Variants in PTCHD1 observed in about 807,000 individuals in gnomAD.
PTCHD1 encodes patched domain containing 1, also known as patched domain-containing protein 1.
Under a neutral mutation model 34.6 loss-of-function variants are expected in PTCHD1, and 3 were observed. The ratio of observed to expected loss-of-function variants is 0.09; its 90% CI spans 0.04 to 0.22. PTCHD1 has a LOEUF of 0.22. Ranked by LOEUF, PTCHD1 falls within the 10% of genes least tolerant of loss-of-function variation. The pLI is 1.00. For synonymous variants in PTCHD1, 305 were observed against 283.1 expected, an observed-to-expected ratio of 1.08 and a Z score of -0.77; for missense variants, 504 against 685.5, an observed-to-expected ratio of 0.74 and a Z score of 2.96.
chrX:23,376,337 T>A (rs867329595), intron 1 of PTCHD1, among the ~76,000 whole-genome samples: 2 of 112,405 alleles, frequency 1.8e-5, no homozygotes, highest in African/African-American at 6.5e-5. Context: ...GAGCGTCTCT[T>A]ACCTAGTTCA....
intron 2 of PTCHD1, among the ~76,000 whole-genome samples, chrX:23,388,831 GAA>G (rs539710655): frequency 1.1e-5 from 1 of 94,851 alleles, no homozygotes; most frequent in Admixed American, 1.2e-4. Context: ...ACTCCGTCTC[GAA>G]AAAAAAAAAA....
At chrX:23,350,234 T>C (rs900565186) in intron 1 of PTCHD1, among the ~76,000 whole-genome samples, 3 of 111,161 alleles carry the variant, frequency 2.7e-5, no homozygotes, top group African/African-American at 9.8e-5. Context: ...GTTTGGCATT[T>C]CTCAAATCTA....
At chrX:23,336,547 C>T (rs1381952854) in intron 1 of PTCHD1, among the ~76,000 whole-genome samples, 1 of 111,626 alleles carries the variant, frequency 9.0e-6, no homozygotes, top group Non-Finnish European at 1.9e-5. Context: ...TTCCTATGTC[C>T]GTTTGTTGAC....
chrX:23,348,252 C>T (rs1447170912), intron 1 of PTCHD1, among the ~76,000 whole-genome samples: 2 of 92,577 alleles, frequency 2.2e-5, no homozygotes, highest in Non-Finnish European at 4.2e-5. Flanking sequence ...CAAACTGAAA[C>T]ACAAAGAGTT....
chrX:23,339,162 A>G (rs112766983), intron 1 of PTCHD1, among the ~76,000 whole-genome samples: 3 of 112,207 alleles, frequency 2.7e-5, no homozygotes, highest in African/African-American at 9.7e-5. Flanking sequence ...TTACTCAGAC[A>G]TTTATGTGAT....
chrX:23,334,752 G>A (rs1921101527), upstream of PTCHD1: 2 of 130,090 alleles, frequency 1.5e-5, no homozygotes, highest in South Asian at 6.3e-4. Flanking sequence ...TCAGGGTCTC[G>A]CCGCCGCCGC....
intron 1 of PTCHD1, among the ~76,000 whole-genome samples, chrX:23,364,691 G>C (rs1234346671): frequency 8.9e-6 from 1 of 112,058 alleles, no homozygotes; most frequent in African/African-American, 3.2e-5. Context: ...CACATCAGCT[G>C]TCTCTCCCAC....
In PTCHD1 at chrX:23,366,921, T is replaced by TACAC. The variant is rs61606231; in HGVS notation, c.352-12641_352-12638dup. On this transcript the variant is annotated intron_variant, in intron 1 of 2. Coordinates refer to ENST00000379361, the MANE Select transcript of PTCHD1 (RefSeq NM_173495.3). ...ACCACTGCTACACACATGCTCCTGG[T>TACAC]ACACACACACACACACACACACACA... is the stretch of plus-strand genomic sequence containing the variant. 4.9e-3 allele frequency among the ~76,000 whole-genome samples: 483 copies of TACAC among 99,369 alleles called. 2 individuals are homozygous for TACAC. The highest frequency in any genetic ancestry group is 0.012 in the African/African-American group (325 of 26,978). 86.3% of individuals were successfully genotyped at this position (99,369 alleles called of 115,157 possible).
chrX:23,383,452 T>A (rs1372257840), intron 2 of PTCHD1, among the ~76,000 whole-genome samples: 2 of 111,660 alleles, frequency 1.8e-5, no homozygotes, highest in Non-Finnish European at 3.8e-5. Flanking sequence ...AGATCACATG[T>A]GTCAAGCAGT....
At chrX:23,371,155 T>C (rs921217523) in intron 1 of PTCHD1, among the ~76,000 whole-genome samples, 1 of 112,306 alleles carries the variant, frequency 8.9e-6, no homozygotes, top group Non-Finnish European at 1.9e-5. Flanking sequence ...ACACCTTTTA[T>C]AGGTAATCAT....
At chrX:23,358,559 A>T (rs1285395392) in intron 1 of PTCHD1, among the ~76,000 whole-genome samples, 1 of 111,719 alleles carries the variant, frequency 9.0e-6, no homozygotes, top group Non-Finnish European at 1.9e-5. Context: ...CCTTTGTCAG[A>T]TGGGTAAATT....
Position 23,380,019 on chromosome X carries a change from T to C in PTCHD1, c.780T>C (p.Asp260=), listed in dbSNP as rs1922518737. The change falls in exon 2 of 3, where the codon GAT becomes GAC. Residue 260 remains aspartate (D), a synonymous_variant. Coordinates refer to ENST00000379361, the MANE Select transcript of PTCHD1 (RefSeq NM_173495.3). Reference sequence around the variant, plus strand: ...ACACGTCCTCCTCACTGAGGGAAGATTTCCAGAAGACCAGCCGCGTATCAG... The same window carrying C: ...ACACGTCCTCCTCACTGAGGGAAGACTTCCAGAAGACCAGCCGCGTATCAG... ...YPYTSSSLRE[D]FQKTSRVSER... 1 of 1,211,859 alleles carries C rather than the reference T, an allele frequency of 8.3e-7. No homozygotes were observed. The highest frequency in any genetic ancestry group is 1.1e-6 in the Non-Finnish European group (1 of 895,490).
intron 1 of PTCHD1, among the ~76,000 whole-genome samples, chrX:23,379,003 C>G (rs1471900366): frequency 1.8e-5 from 2 of 111,996 alleles, no homozygotes; most frequent in East Asian, 5.6e-4. Flanking sequence ...CAAGGTAAAC[C>G]TCTTGTCTTA....
Position 23,399,785 on chromosome X carries a change from T to A in PTCHD1, c.*5600T>A. On this transcript the variant is annotated 3_prime_UTR_variant, in exon 3 of 3. Coordinates refer to ENST00000379361, the MANE Select transcript of PTCHD1 (RefSeq NM_173495.3). Reference sequence around the variant, plus strand: ...ACCAGGAAAGGAGCCCTCTGTACTGTGCTCTTGTTGGCAAGAGGAACACCA... The same window carrying A: ...ACCAGGAAAGGAGCCCTCTGTACTGAGCTCTTGTTGGCAAGAGGAACACCA... The A allele has an allele frequency of 8.9e-6, 1 of 112,138 alleles. No individual in the cohort carries two copies. The allele number at this position is 112,138 out of a possible 1,213,427, so 9.2% of individuals were successfully genotyped here.
chrX:23,393,912 T>G lies in PTCHD1; in HGVS notation c.2394T>G (p.Ile798Met). The change falls in exon 3 of 3, where the codon ATT (isoleucine) becomes ATG (methionine). Residue 798 changes from isoleucine to methionine, a missense_variant. Transcript: ENST00000379361. ...KNALEVHGVA[I>M]LQSYLCYIVG... ...CCCTGGAAGTGCATGGGGTAGCTAT[T>G]TTACAGAGTTACCTCTGCTATATTG... 1 of 1,211,134 alleles carries G rather than the reference T, an allele frequency of 8.3e-7. No individual in the cohort carries two copies. Among genetic ancestry groups the G allele is most frequent in the Non-Finnish European group, 1.1e-6 (1 of 895,127 alleles).
In PTCHD1 at chrX:23,383,959, A is replaced by G. The variant is rs916061652; in HGVS notation, c.1012+3708A>G. ...TTTCCTTTAAAGGATGAAGATTTAC[A>G]CCATTATTCTCCAGTTGGGTATGAT... On this transcript the variant is annotated intron_variant, in intron 2 of 2. Transcript: ENST00000379361. 2.7e-5 allele frequency among the ~76,000 whole-genome samples: 3 copies of G among 112,439 alleles called. No homozygotes were observed. The Admixed American group carries it at 2.8e-4, about 11-fold the overall frequency.
In PTCHD1 at chrX:23,382,084, A is replaced by G. The variant is rs773874677; in HGVS notation, c.1012+1833A>G. Among the ~76,000 whole-genome samples the G allele has an allele frequency of 8.1e-5, 9 of 111,602 alleles. No homozygotes were observed. In the South Asian group the frequency reaches 3.4e-3, roughly 43 times the overall value. On this transcript the variant is annotated intron_variant, in intron 2 of 2. Coordinates refer to ENST00000379361, the MANE Select transcript of PTCHD1 (RefSeq NM_173495.3). ...AATAGGAATAAGAAAAGAGTGGGGA[A>G]CTGAAGGGAGATCGTAAGGTTCTCA... is the stretch of plus-strand genomic sequence containing the variant.
At chrX:23,385,762 T>G (rs1013165091) in intron 2 of PTCHD1, among the ~76,000 whole-genome samples, 1 of 111,402 alleles carries the variant, frequency 9.0e-6, no homozygotes, top group Non-Finnish European at 1.9e-5. Flanking sequence ...CTACACTGAT[T>G]GGTGTAGCAA....
chrX:23,375,829 T>A (rs1412764078), intron 1 of PTCHD1, among the ~76,000 whole-genome samples: 1 of 112,099 alleles, frequency 8.9e-6, no homozygotes, highest in East Asian at 2.8e-4. Context: ...TAGAAAGCAC[T>A]TAGAAAACTA....
Sources: allele counts gnomAD v4.1 joint callset (sites outside exome capture counted in the v4.1 genomes callset), GRCh38; gene constraint gnomAD v4.1.1; transcripts MANE v1.5; gene names NCBI Gene and HGNC (gene_info 2026-07-23, HGNC 2026-07-21).